The following ADGRA3 variants were observed in gnomAD, a reference collection of about 807,000 sequenced individuals.
ADGRA3 encodes the protein adhesion G protein-coupled receptor A3.
A neutral mutation model predicts 119.8 loss-of-function variants in ADGRA3; 56 were observed. The ratio of observed to expected loss-of-function variants is 0.47; its 90% CI spans 0.38 to 0.58. The LOEUF (loss-of-function observed/expected upper bound fraction) is 0.58. ADGRA3 is among the 20% of genes least tolerant of loss of function. ADGRA3 has a pLI of 0.00. For synonymous variants in ADGRA3, 607 were observed against 623.8 expected (o/e 0.97, Z 0.40); for missense variants, 1,516 against 1,649.0 (o/e 0.92, Z 1.40).
chr4:22,460,895 A>G (rs1466465837), intron 3 of ADGRA3, among the ~76,000 whole-genome samples: 1 of 152,202 alleles, frequency 6.6e-6, no homozygotes, highest in African/African-American at 2.4e-5. Flanking sequence ...CAGAAAGCAT[A>G]AAGGATGGAG....
chr4:22,444,633 C>T (rs1335905186), intron 6 of ADGRA3, among the ~76,000 whole-genome samples: 4 of 152,144 alleles, frequency 2.6e-5, no homozygotes, highest in Admixed American at 2.0e-4. Context: ...TTCCCACCCA[C>T]ACACAGGATG....
intron 1 of ADGRA3, among the ~76,000 whole-genome samples, chr4:22,483,288 G>A (rs544289793): frequency 8.8e-4 from 134 of 152,202 alleles, no homozygotes; most frequent in Admixed American, 2.6e-3. Flanking sequence ...AGACCCAACA[G>A]AAAAGGTCCC....
intron 9 of ADGRA3, 132 bp from the exon 10 acceptor site, chr4:22,435,598 C>T: frequency 1.4e-6 from 1 of 730,890 alleles, no homozygotes; most frequent in Non-Finnish European, 2.0e-6. Flanking sequence ...TCATGGCCTT[C>T]TTAAAATGCT....
At chr4:22,453,891 C>G (rs1356973245) in intron 4 of ADGRA3, among the ~76,000 whole-genome samples, 1 of 151,986 alleles carries the variant, frequency 6.6e-6, no homozygotes, top group African/African-American at 2.4e-5. Flanking sequence ...TGCTCTGTCA[C>G]CCACAGCTGG....
chr4:22,471,620 G>A (rs923891586), intron 2 of ADGRA3, among the ~76,000 whole-genome samples: 2 of 152,128 alleles, frequency 1.3e-5, no homozygotes, highest in Non-Finnish European at 2.9e-5. Flanking sequence ...TGATGTGTGT[G>A]TACTTTGGAT....
chr4:22,419,569 T>C (rs571452620), intron 12 of ADGRA3, among the ~76,000 whole-genome samples: 2 of 152,130 alleles, frequency 1.3e-5, no homozygotes, highest in Non-Finnish European at 2.9e-5. Context: ...GAAACTCTCC[T>C]TACCCAGAGG....
intron 14 of ADGRA3, among the ~76,000 whole-genome samples, chr4:22,403,697 G>T (rs1714767987): frequency 6.6e-6 from 1 of 152,026 alleles, no homozygotes; most frequent in African/African-American, 2.4e-5. Flanking sequence ...AGCTAAGATA[G>T]CACCACTGCA....
At position 22,473,792 on chromosome 4, in the gene ADGRA3, C is replaced by A. The variant is rs775038374; in HGVS notation, c.309G>T (p.Gly103=). ...CTCACAATCTTTCAAGGAGACTTAA[C>A]CCAGAAAATGAGCCATTCTTCAGCT... ...ISELKNGSFS[G]LSLLERLDLR... The change falls in exon 2 of 19, where the codon GGG becomes GGT. Residue 103 remains glycine, a synonymous_variant. Coordinates refer to ENST00000334304, the MANE Select transcript of ADGRA3 (RefSeq NM_145290.4). The A allele has an allele frequency of 1.9e-6, 3 of 1,603,354 alleles. No homozygotes were observed. The African/African-American group carries it at 4.0e-5, about 21-fold the overall frequency.
intron 16 of ADGRA3, chr4:22,392,962 G>T: frequency 3.3e-6 from 1 of 306,030 alleles, no homozygotes; most frequent in Non-Finnish European, 5.9e-6. Context: ...GACAGAACTG[G>T]CTCCCAGACA....
chr4:22,413,460 C>T, intron 13 of ADGRA3, 70 bp from the exon 14 acceptor site: 3 of 1,416,202 alleles, frequency 2.1e-6, no homozygotes, highest in South Asian at 2.3e-5. Context: ...TCAACTTCTA[C>T]AGTAATGGGT....
At chr4:22,489,668 C>A (rs73247113) in intron 1 of ADGRA3, among the ~76,000 whole-genome samples, 2,444 of 152,280 alleles carry the variant, frequency 0.016, 26 homozygotes, top group Middle Eastern at 0.058. Flanking sequence ...AATGATCCTT[C>A]AAGTTTCCAA....
At chr4:22,414,577 C>A (rs1715357178) in intron 12 of ADGRA3, 2 of 697,222 alleles carry the variant, frequency 2.9e-6, no homozygotes, top group Non-Finnish European at 5.2e-6. Flanking sequence ...AACCTCTCTT[C>A]TTCTAATTCC....
At position 22,445,050 on chromosome 4, in the gene ADGRA3, C is replaced by A; in HGVS notation, c.629G>T (p.Arg210Leu). Residue 210 changes from arginine (R) to leucine (L), a missense_variant, in exon 6 of 19, where the codon CGG (arginine) becomes CTG (leucine). Physicochemically the swap from Arg to Leu is moderately radical, Grantham distance 102. This residue lies in a region of ADGRA3 where 428 missense variants were observed against 541.9 expected (regional missense o/e 0.79). Coordinates refer to ENST00000334304, the MANE Select transcript of ADGRA3 (RefSeq NM_145290.4). ...RWVKEKNITV[R>L]DTRCVYPKSL... Reference sequence around the variant, plus strand: ...CTTAGGATAAACACACCTGGTATCCCGTACCGTGATGTTCTTCTCCTTTAC... The same window carrying A: ...CTTAGGATAAACACACCTGGTATCCAGTACCGTGATGTTCTTCTCCTTTAC... 1.9e-6 allele frequency: 3 copies of A among 1,613,904 alleles called. No individual in the cohort carries two copies. Among genetic ancestry groups the A allele is most frequent in the Non-Finnish European group, 2.5e-6 (3 of 1,179,880 alleles).
intron 16 of ADGRA3, 106 bp downstream of exon 16, chr4:22,401,325 C>A: frequency 2.1e-6 from 2 of 953,204 alleles, no homozygotes; most frequent in African/African-American, 1.7e-5. Flanking sequence ...TAACTTTAAT[C>A]AGTTAAAGAA....
At chr4:22,409,224 A>G (rs1005751948) in intron 14 of ADGRA3, among the ~76,000 whole-genome samples, 2 of 152,158 alleles carry the variant, frequency 1.3e-5, no homozygotes, top group Non-Finnish European at 1.5e-5. Flanking sequence ...AATTTAAACC[A>G]GTTGGTCCCT....
chr4:22,456,731 T>G (rs1717252431), intron 3 of ADGRA3, among the ~76,000 whole-genome samples: 1 of 152,114 alleles, frequency 6.6e-6, no homozygotes, highest in Non-Finnish European at 1.5e-5. Context: ...ATAAATCCCC[T>G]CTCATACATC....
At chr4:22,507,636 G>A (rs1719290353) in intron 1 of ADGRA3, among the ~76,000 whole-genome samples, 1 of 152,176 alleles carries the variant, frequency 6.6e-6, no homozygotes, top group South Asian at 2.1e-4. Flanking sequence ...TCCTGGTGCT[G>A]GAGGACTCCA....
intron 1 of ADGRA3, among the ~76,000 whole-genome samples, chr4:22,500,949 T>C (rs1408252555): frequency 3.3e-5 from 5 of 152,192 alleles, no homozygotes; most frequent in Non-Finnish European, 7.4e-5. Flanking sequence ...GTGCTAGAGC[T>C]GAGACACTCG....
intron 3 of ADGRA3, among the ~76,000 whole-genome samples, chr4:22,461,395 G>C (rs949978006): frequency 2.0e-5 from 3 of 152,198 alleles, no homozygotes; most frequent in African/African-American, 7.2e-5. Flanking sequence ...CCCATTCCCA[G>C]GTTCCAGTGA....
Sources: allele counts gnomAD v4.1 joint callset (sites outside exome capture counted in the v4.1 genomes callset), GRCh38; gene constraint gnomAD v4.1.1; regional missense constraint gnomAD v4.1.1; transcripts MANE v1.5; gene names NCBI Gene and HGNC (gene_info 2026-07-23, HGNC 2026-07-21).